Variants in OPALIN observed in about 807,000 individuals in gnomAD.
The protein encoded by OPALIN is transmembrane protein 10.
Under a neutral mutation model 17.8 loss-of-function variants are expected in OPALIN, and 15 were observed. The observed-to-expected ratio is 0.84, with a 90% CI of 0.56 to 1.29. The LOEUF (loss-of-function observed/expected upper bound fraction) is 1.29. Among genes scored for constraint, OPALIN ranks in the 50% most tolerant of loss-of-function variants. The pLI is 0.00. For synonymous variants in OPALIN, 62 were observed against 63.8 expected (o/e 0.97, Z 0.14); for missense variants, 170 against 176.0 (o/e 0.97, Z 0.19).
chr10:96,357,840 T>A (rs1845878100), intron 1 of OPALIN, among the ~76,000 whole-genome samples: 1 of 152,214 alleles, frequency 6.6e-6, no homozygotes, highest in Non-Finnish European at 1.5e-5. Context: ...ACAATGCAAT[T>A]ATTGCTTACT....
Position 96,346,102 on chromosome 10 carries a change from G to A in OPALIN, c.265C>T (p.Pro89Ser), listed in dbSNP as rs374370411. 2 of 1,613,802 alleles carry A rather than the reference G, an allele frequency of 1.2e-6. No homozygotes were observed. Residue 89 changes from proline (P) to serine (S), a missense_variant, in exon 6 of 6, where the codon CCC becomes TCC. Transcript: ENST00000371172. ...PKISENPRRSPTHEKNTMGAQ... is the reference protein window; with the variant it reads ...PKISENPRRSSTHEKNTMGAQ... ...CCCATCGTATTCTTCTCATGTGTGG[G>A]TGATCTCCTAGGATTCTTAAGGAAA...
intron 2 of OPALIN, chr10:96,353,333 C>T: frequency 6.4e-7 from 1 of 1,570,440 alleles, no homozygotes; most frequent in South Asian, 1.1e-5. Flanking sequence ...GAGAGGGATC[C>T]AGGTGCCCAC....
chr10:96,357,123 A>G, intron 1 of OPALIN: 1 of 985,458 alleles, frequency 1.0e-6, no homozygotes, highest in Non-Finnish European at 1.2e-6. Context: ...GCACCAGACC[A>G]ACACGTGCTG....
At chr10:96,356,651 T>C (rs1052018178) in intron 1 of OPALIN, among the ~76,000 whole-genome samples, 7 of 152,212 alleles carry the variant, frequency 4.6e-5, no homozygotes, top group Admixed American at 6.5e-5. Context: ...GGAATTCAGA[T>C]GGGTTAATGA....
At chr10:96,355,604 A>C (rs1478983971) in intron 1 of OPALIN, among the ~76,000 whole-genome samples, 1 of 152,228 alleles carries the variant, frequency 6.6e-6, no homozygotes, top group Non-Finnish European at 1.5e-5. Context: ...CAAACACATG[A>C]CTAGAAATTC....
At position 96,345,079 on chromosome 10, in the gene OPALIN, A is replaced by G. The variant is rs117775567; in HGVS notation, c.*862T>C. 2 of 152,196 alleles carry G rather than the reference A, an allele frequency of 1.3e-5. No homozygotes were observed. The highest frequency in any genetic ancestry group is 2.9e-5 in the Non-Finnish European group (2 of 68,038). 9.4% of individuals were successfully genotyped at this position (152,196 alleles called of 1,614,324 possible). On this transcript the variant is annotated 3_prime_UTR_variant, in exon 6 of 6. Coordinates refer to ENST00000371172, the MANE Select transcript of OPALIN (RefSeq NM_033207.5). ...AATTTGGATCATAGGCCATGGAGAA[A>G]GTTTGTCCTAAATGTTCCCTTGTGT...
Position 96,345,101 on chromosome 10 carries a change from G to A in OPALIN, c.*840C>T, listed in dbSNP as rs1845257087. 1 of 152,186 alleles carries A rather than the reference G, an allele frequency of 6.6e-6. No homozygotes were observed. Among genetic ancestry groups the A allele is most frequent in the Admixed American group, 6.5e-5 (1 of 15,284 alleles). The allele number at this position is 152,186 out of a possible 1,614,324, so 9.4% of individuals were successfully genotyped here. On this transcript the variant is annotated 3_prime_UTR_variant, in exon 6 of 6. Transcript: ENST00000371172. Reference sequence around the variant, plus strand: ...GAAAGTTTGTCCTAAATGTTCCCTTGTGTGGCCCTGTGACTATGGGGAACA... The same window carrying A: ...GAAAGTTTGTCCTAAATGTTCCCTTATGTGGCCCTGTGACTATGGGGAACA...
intron 2 of OPALIN, chr10:96,353,363 G>A: frequency 2.5e-6 from 4 of 1,599,990 alleles, no homozygotes; most frequent in South Asian, 2.2e-5. Context: ...ACTTCCCAGG[G>A]CACTGGCATT....
chr10:96,347,081 CCTTT>C (rs992162315), intron 5 of OPALIN, among the ~76,000 whole-genome samples: 8 of 150,718 alleles, frequency 5.3e-5, no homozygotes, highest in Non-Finnish European at 8.9e-5. Context: ...TTTCTTTCTT[CCTTT>C]CTTTCTTTTT....
chr10:96,351,469 T>C (rs1241024887), intron 2 of OPALIN, 59 bp from the exon 3 acceptor site: 1 of 1,067,420 alleles, frequency 9.4e-7, no homozygotes, highest in African/African-American at 1.7e-5. Flanking sequence ...ATATACATTA[T>C]ACAAGACAAT....
chr10:96,349,800 C>T lies in OPALIN; in HGVS notation c.99G>A (p.Ala33=), dbSNP rs375828297. 34 of 1,613,630 alleles carry T rather than the reference C, an allele frequency of 2.1e-5. No individual in the cohort carries two copies. Among genetic ancestry groups the T allele is most frequent in the Middle Eastern group, 3.3e-4 (2 of 6,044 alleles). ...TGGCCACCAGCAATGGTATGCCCGC[C>T]GCTAATCCAAGAGAGGGCCCACAGT... is the stretch of plus-strand genomic sequence containing the variant. ...ETDCGPSLGL[A]AGIPLLVATA... is the part of the protein sequence containing the mutation. Residue 33 remains alanine (A), a synonymous_variant, in exon 4 of 6, where the codon GCG becomes GCA. Coordinates refer to ENST00000371172, the MANE Select transcript of OPALIN (RefSeq NM_033207.5).
chr10:96,357,465 A>G (rs560016476), intron 1 of OPALIN, among the ~76,000 whole-genome samples: 3 of 152,274 alleles, frequency 2.0e-5, no homozygotes, highest in Admixed American at 1.3e-4. Flanking sequence ...TGCAACCCTG[A>G]GCTTGGAGCC....
chr10:96,357,108 C>T (rs566968991), intron 1 of OPALIN: 313 of 985,358 alleles, frequency 3.2e-4, no homozygotes, highest in Non-Finnish European at 3.6e-4. Flanking sequence ...CTGCTCTTCA[C>T]GCTAGCACCA....
intron 2 of OPALIN, among the ~76,000 whole-genome samples, chr10:96,352,074 C>G (rs2134022339): frequency 6.6e-6 from 1 of 152,262 alleles, no homozygotes; most frequent in East Asian, 1.9e-4. Flanking sequence ...CCTGGGCTCA[C>G]ACTGCCTGCC....
At position 96,353,523 on chromosome 10, in the gene OPALIN, G is replaced by A. The variant is rs1845676143; in HGVS notation, c.39+1732C>T. On this transcript the variant is annotated intron_variant, in intron 2 of 5. Coordinates refer to ENST00000371172, the MANE Select transcript of OPALIN (RefSeq NM_033207.5). ...AACACCAGGCAAAGCAAAATGGTTG[G>A]TTGCTCTACACGGGATCAAAGGGGT... The A allele has an allele frequency of 2.7e-6, 3 of 1,129,370 alleles. No homozygotes were observed. The South Asian group carries it at 3.7e-5, about 14-fold the overall frequency. The allele number at this position is 1,129,370 out of a possible 1,614,324, so 70.0% of individuals were successfully genotyped here. A position where few individuals can be genotyped will look rare whatever the true frequency, so the allele number is the denominator to read the frequency against.
chr10:96,357,127 C>G (rs911615741), intron 1 of OPALIN: 5 of 985,310 alleles, frequency 5.1e-6, no homozygotes, highest in Non-Finnish European at 6.0e-6. Context: ...CAGACCAACA[C>G]GTGCTGCAAG....
rs754766863 is a variant in OPALIN at position 96,348,356 on chromosome 10, AAAAATATAATAAT to A, written c.193-24_193-12del. 2.2e-6 allele frequency: 3 copies of A among 1,344,188 alleles called. No homozygotes were observed. Among genetic ancestry groups the A allele is most frequent in the South Asian group, 2.5e-5 (2 of 81,354 alleles). The allele number at this position is 1,344,188 out of a possible 1,614,324, so 83.3% of individuals were successfully genotyped here. A position where few individuals can be genotyped will look rare whatever the true frequency, so the allele number is the denominator to read the frequency against. ...TGGTCTGTCACTTTCCTAAATTGGAAAAAATATAATAATAAAAGAAAGAAAGAAGAAGAAGTGA... is the reference window on the plus strand; with the variant it reads ...TGGTCTGTCACTTTCCTAAATTGGAAAAAAGAAAGAAAGAAGAAGAAGTGA... On this transcript the variant is annotated splice_polypyrimidine_tract_variant and intron_variant, in intron 4 of 5. Transcript: ENST00000371172.
chr10:96,357,490 C>G (rs1465579309), intron 1 of OPALIN, among the ~76,000 whole-genome samples: 3 of 152,110 alleles, frequency 2.0e-5, no homozygotes, highest in Non-Finnish European at 4.4e-5. Context: ...GATCTAAATT[C>G]GAGCCCACAC....
At position 96,358,178 on chromosome 10, in the gene OPALIN, GC is replaced by G. The variant is rs1408341640; in HGVS notation, c.3+715del. Among the ~76,000 whole-genome samples, 18 of 40,424 alleles carry G rather than the reference GC, an allele frequency of 4.5e-4. No individual in the cohort carries two copies. The East Asian group carries it at 0.026, about 59-fold the overall frequency. 26.5% of individuals were successfully genotyped at this position (40,424 alleles called of 152,430 possible). Reference sequence around the variant, plus strand: ...ACTGAGCTCTACTCCTTTTAACAATGCTTTTTGTAAAAAAAAAAAAAAAAAA... The same window carrying G: ...ACTGAGCTCTACTCCTTTTAACAATGTTTTTGTAAAAAAAAAAAAAAAAAA... On this transcript the variant is annotated intron_variant, in intron 1 of 5. Coordinates refer to ENST00000371172, the MANE Select transcript of OPALIN (RefSeq NM_033207.5).
Sources: gnomAD v4.1 joint callset for allele counts (sites outside exome capture counted in the v4.1 genomes callset) on GRCh38, gnomAD v4.1.1 for gene constraint, MANE v1.5 for transcripts, NCBI Gene and HGNC (gene_info 2026-07-23, HGNC 2026-07-21) for gene names.